NWD2: variants seen among roughly 807,000 people sequenced by gnomAD.
NWD2 encodes NACHT and WD repeat domain containing 2.
Under a neutral mutation model 132.7 loss-of-function variants are expected in NWD2, and 37 were observed. The observed-to-expected ratio is 0.28, with a 90% CI of 0.21 to 0.37. NWD2 has a LOEUF of 0.37. NWD2 is among the 10% of genes least tolerant of loss of function. The pLI, the probability that NWD2 is intolerant of heterozygous loss-of-function variation, is 1.00. For synonymous variants in NWD2, 705 were observed against 803.0 expected, an observed-to-expected ratio of 0.88 and a Z score of 2.06; for missense variants, 1,592 against 2,122.4, an observed-to-expected ratio of 0.75 and a Z score of 4.91.
chr4:37,302,231 C>A (rs1369412), intron 1 of NWD2, among the ~76,000 whole-genome samples: 5,408 of 151,922 alleles, frequency 0.036, 330 homozygotes, highest in African/African-American at 0.12. Context: ...CTGTGCCTGA[C>A]CTATCTCACC....
chr4:37,276,061 A>G (rs1294024588), intron 1 of NWD2, among the ~76,000 whole-genome samples: 2 of 152,186 alleles, frequency 1.3e-5, no homozygotes, highest in Non-Finnish European at 2.9e-5. Flanking sequence ...TGTCTAAAAC[A>G]CCAAAAGCAA....
rs1436356035 is a variant in NWD2 at position 37,448,638 on chromosome 4, C to T, written c.*1421C>T. 2.6e-5 allele frequency: 4 copies of T among 152,168 alleles called. No individual in the cohort carries two copies. The highest frequency in any genetic ancestry group is 2.6e-4 in the Admixed American group (4 of 15,278). The allele number at this position is 152,168 out of a possible 1,614,324, so 9.4% of individuals were successfully genotyped here. A position where few individuals can be genotyped will look rare whatever the true frequency, so the allele number is the denominator to read the frequency against. ...GTTTTCTTAGAAAGTAGAGAAGTAACACTTTACTAGAATAATGAACAAGGA... is the reference window on the plus strand; with the variant it reads ...GTTTTCTTAGAAAGTAGAGAAGTAATACTTTACTAGAATAATGAACAAGGA... On this transcript the variant is annotated 3_prime_UTR_variant, in exon 7 of 7. Transcript: ENST00000309447.
chr4:37,350,308 A>G (rs890226177), intron 2 of NWD2, among the ~76,000 whole-genome samples: 1 of 152,154 alleles, frequency 6.6e-6, no homozygotes, highest in Non-Finnish European at 1.5e-5. Flanking sequence ...GATTCTTCCT[A>G]TCCATGAGCA....
At chr4:37,348,353 C>T (rs1719680721) in intron 2 of NWD2, among the ~76,000 whole-genome samples, 1 of 151,992 alleles carries the variant, frequency 6.6e-6, no homozygotes, top group East Asian at 1.9e-4. Context: ...CCTCCACGGA[C>T]AAGCCACACA....
intron 4 of NWD2, 112 bp downstream of exon 4, chr4:37,430,887 C>A: frequency 1.1e-6 from 1 of 879,686 alleles, no homozygotes; most frequent in Non-Finnish European, 1.7e-6. Context: ...GAAAGTTACT[C>A]TGCCCTAGGC....
intron 3 of NWD2, among the ~76,000 whole-genome samples, chr4:37,371,072 C>CTTTTTTTTTTTTTTTT (rs1309185055): frequency 9.9e-6 from 1 of 100,526 alleles, no homozygotes; most frequent in African/African-American, 3.9e-5. Flanking sequence ...ATTTTTTTTT[C>CTTTTTTTTTTTTTTTT]TTTTTCTTTT....
intron 1 of NWD2, among the ~76,000 whole-genome samples, chr4:37,258,893 A>G (rs542339502): frequency 1.3e-5 from 2 of 152,316 alleles, no homozygotes; most frequent in East Asian, 3.9e-4. Context: ...AAGGGAAAAG[A>G]TGGATTTCAC....
At chr4:37,249,204 A>G (rs1336857934) in intron 1 of NWD2, among the ~76,000 whole-genome samples, 2 of 152,224 alleles carry the variant, frequency 1.3e-5, no homozygotes, top group East Asian at 3.8e-4. Flanking sequence ...AGTGATACAG[A>G]TTTTAAGTAG....
rs200417524 is a variant in NWD2 at position 37,326,034 on chromosome 4, G to C, written c.240+10G>C. ...TGGATTGGAATTTCAGGTAATTCTAGTGTTAATTTCATTCACAGTTATGTC... is the reference window on the plus strand; with the variant it reads ...TGGATTGGAATTTCAGGTAATTCTACTGTTAATTTCATTCACAGTTATGTC... On this transcript the variant is annotated intron_variant, in intron 2 of 6. Coordinates refer to ENST00000309447, the MANE Select transcript of NWD2 (RefSeq NM_001144990.2). 438 of 1,468,166 alleles carry C rather than the reference G, an allele frequency of 3.0e-4. 1 individual carries two copies. Among genetic ancestry groups the C allele is most frequent in the Non-Finnish European group, 3.8e-4 (410 of 1,072,264 alleles). The allele number at this position is 1,468,166 out of a possible 1,614,324, so 90.9% of individuals were successfully genotyped here.
At position 37,444,202 on chromosome 4, in the gene NWD2, G is replaced by T; in HGVS notation, c.2214G>T (p.Gln738His). 6.4e-7 allele frequency: 1 copy of T among 1,551,648 alleles called. No individual in the cohort carries two copies. The highest frequency in any genetic ancestry group is 8.7e-7 in the Non-Finnish European group (1 of 1,146,956). ...TAGTCTGGGCCAACAGACACCTGCA[G>T]CTCATAGCCCAGAAGCTATATCTGC... The part of the protein sequence containing the change: ...TLLVWANRHL[Q>H]LIAQKLYLQD... The change falls in exon 7 of 7, where the codon CAG (glutamine) becomes CAT (histidine). Residue 738 changes from glutamine (Q) to histidine (H), a missense_variant. Physicochemically the swap from Gln to His is conservative, Grantham distance 24. Coordinates refer to ENST00000309447, the MANE Select transcript of NWD2 (RefSeq NM_001144990.2). This position sits in a 1 kb window ranked among gnomAD's most constrained non-coding sequence, Gnocchi z 4.8.
chr4:37,325,365 A>C (rs1254210279), intron 1 of NWD2, among the ~76,000 whole-genome samples: 1 of 152,124 alleles, frequency 6.6e-6, no homozygotes, highest in Non-Finnish European at 1.5e-5. Context: ...TTACTTTATT[A>C]AACCACTGGC....
At chr4:37,355,455 T>C (rs1187801038) in intron 2 of NWD2, among the ~76,000 whole-genome samples, 1 of 152,138 alleles carries the variant, frequency 6.6e-6, no homozygotes, top group Non-Finnish European at 1.5e-5. Context: ...CAGAATCTGC[T>C]GGGGCCACAA....
intron 3 of NWD2, among the ~76,000 whole-genome samples, chr4:37,410,321 A>G (rs1396239851): frequency 7.9e-5 from 12 of 152,116 alleles, no homozygotes; most frequent in Admixed American, 5.9e-4. Context: ...TTACCAAGCA[A>G]ATGGAAAGCA....
chr4:37,414,760 T>A (rs1255249103), intron 3 of NWD2, among the ~76,000 whole-genome samples: 1 of 152,232 alleles, frequency 6.6e-6, no homozygotes, highest in Non-Finnish European at 1.5e-5. Context: ...CATTATACAA[T>A]GGTGGATTAT....
rs1266803458 is a variant in NWD2, at chr4:37,443,607, G to A, written c.1619G>A (p.Arg540Gln). 15 of 1,551,764 alleles carry A rather than the reference G, an allele frequency of 9.7e-6. No individual in the cohort carries two copies. Among genetic ancestry groups the A allele is most frequent in the Non-Finnish European group, 1.2e-5 (14 of 1,147,018 alleles). Residue 540 changes from arginine (R) to glutamine (Q), a missense_variant, in exon 7 of 7, where the codon CGG becomes CAG. Arg to Gln is a conservative substitution (Grantham distance 43). Transcript: ENST00000309447. The surrounding 1 kb of genome is among the most constrained non-coding windows in gnomAD (Gnocchi z 4.1). ...WLPAHLPRFV[R>Q]IVLSTLPNKH... is the part of the protein sequence containing the mutation. ...CCAGCTCACCTGCCCCGCTTTGTCC[G>A]GATAGTCCTTTCCACGCTGCCCAAC...
At chr4:37,394,245 C>G (rs1720735188) in intron 3 of NWD2, among the ~76,000 whole-genome samples, 1 of 152,082 alleles carries the variant, frequency 6.6e-6, no homozygotes, top group Non-Finnish European at 1.5e-5. Flanking sequence ...TCTTCTTTGC[C>G]ATATTTTCTT....
At position 37,301,459 on chromosome 4, in the gene NWD2, T is replaced by A. The variant is rs1718610553; in HGVS notation, c.152-24477T>A. Among the ~76,000 whole-genome samples, 5 of 152,092 alleles carry A rather than the reference T, an allele frequency of 3.3e-5. No homozygotes were observed. In the South Asian group the frequency reaches 8.3e-4, roughly 25 times the overall value. On this transcript the variant is annotated intron_variant, in intron 1 of 6. Transcript: ENST00000309447. ...TTTTTTTTCTGGAATTCAAAAGATG[T>A]ATATTAGATTGTCTCCATATATTAT...
Position 37,245,111 on chromosome 4 carries a change from A to C in NWD2, c.44A>C (p.Asp15Ala). 6.5e-7 allele frequency: 1 copy of C among 1,546,746 alleles called. No individual in the cohort carries two copies. Among genetic ancestry groups the C allele is most frequent in the Non-Finnish European group, 8.7e-7 (1 of 1,146,384 alleles). Residue 15 changes from aspartate to alanine, a missense_variant, in exon 1 of 7, where the codon GAC becomes GCC. Asp to Ala is a moderately radical substitution (Grantham distance 126, BLOSUM62 -2). Around this residue, in one of 7 missense-constraint regions of NWD2, gnomAD observed 88 missense variants for 92.8 expected, o/e 0.95. Transcript: ENST00000309447. Reference protein sequence around the residue: ...GAGTKLPCPRDSALRRAAFSG... With the variant: ...GAGTKLPCPRASALRRAAFSG... The stretch of plus-strand genomic sequence containing the variant: ...GGCACCAAGCTGCCCTGTCCCCGAG[A>C]CTCTGCGCTCCGGCGGGCGGCTTTC...
At chr4:37,335,258 C>T (rs1301279880) in intron 2 of NWD2, among the ~76,000 whole-genome samples, 1 of 130,506 alleles carries the variant, frequency 7.7e-6, no homozygotes, top group Non-Finnish European at 1.5e-5. Flanking sequence ...CTTTCCCACC[C>T]TGAATTTTCT....
Sources: allele counts gnomAD v4.1 joint callset (sites outside exome capture counted in the v4.1 genomes callset), GRCh38; gene constraint gnomAD v4.1.1; regional missense constraint gnomAD v4.1.1; non-coding constraint Gnocchi (gnomAD v3.1); transcripts MANE v1.5; gene names NCBI Gene and HGNC (gene_info 2026-07-23, HGNC 2026-07-21).